The following VWA2 variants were observed in gnomAD, a reference collection of about 807,000 sequenced individuals.
VWA2 encodes the protein von Willebrand factor A domain-containing protein 2.
A neutral mutation model predicts 70.4 loss-of-function variants in VWA2; 73 were observed. The ratio of observed to expected loss-of-function variants is 1.04; its 90% confidence interval spans 0.86 to 1.26. VWA2 has a LOEUF of 1.26. VWA2 is among the 50% of genes most tolerant of loss of function. VWA2 has a pLI of 0.00. For synonymous variants in VWA2, 407 were observed against 423.3 expected, an observed-to-expected ratio of 0.96 and a Z score of 0.47; for missense variants, 1,011 against 998.5, an observed-to-expected ratio of 1.01 and a Z score of -0.17.
intron 1 of VWA2, chr10:114,246,074 C>A: frequency 2.2e-6 from 1 of 451,886 alleles, no homozygotes; most frequent in Non-Finnish European, 4.4e-6. Context: ...CCCCCGCCCC[C>A]CGCCCAAGAT....
chr10:114,279,825 C>T (rs542285884), intron 8 of VWA2, among the ~76,000 whole-genome samples: 75 of 152,306 alleles, frequency 4.9e-4, no homozygotes, highest in African/African-American at 1.7e-3. Flanking sequence ...AGGAGACCAG[C>T]GGCCACCCTG....
chr10:114,262,185 C>G (rs1041052912), intron 5 of VWA2, among the ~76,000 whole-genome samples: 1 of 151,950 alleles, frequency 6.6e-6, no homozygotes, highest in Non-Finnish European at 1.5e-5. Context: ...ATATCGCCCT[C>G]TAAATATATA....
chr10:114,246,102 A>T, intron 1 of VWA2: 1 of 544,354 alleles, frequency 1.8e-6, no homozygotes, highest in Non-Finnish European at 3.5e-6. Context: ...GGTCAGATGC[A>T]TGGTGAGAAG....
At chr10:114,272,966 C>T in intron 6 of VWA2, 32 bp downstream of exon 6, 1 of 1,576,564 alleles carries the variant, frequency 6.3e-7, no homozygotes. Flanking sequence ...GATCAGCCCT[C>T]AGGTGGTCAG....
chr10:114,253,444 T>C (rs1297275900), intron 2 of VWA2, among the ~76,000 whole-genome samples: 1 of 146,140 alleles, frequency 6.8e-6, no homozygotes, highest in Non-Finnish European at 1.5e-5. Flanking sequence ...TACCCACATT[T>C]AAATACAAAG....
intron 1 of VWA2, among the ~76,000 whole-genome samples, chr10:114,240,834 AG>A (rs1420606188): frequency 2.0e-5 from 3 of 152,184 alleles, no homozygotes; most frequent in Non-Finnish European, 4.4e-5. Context: ...ATCTCCTAGT[AG>A]TGTAAGAATT....
In VWA2 at chr10:114,278,865, G is replaced by A. The variant is rs769280907; in HGVS notation, c.833+14G>A. Reference sequence around the variant, plus strand: ...TCCCTTCTACAGGTTTGTCTGCGCGGTCTGGGCTCGGCCTGGGTGGAGATG... The same window carrying A: ...TCCCTTCTACAGGTTTGTCTGCGCGATCTGGGCTCGGCCTGGGTGGAGATG... On this transcript the variant is annotated intron_variant, in intron 8 of 13. Transcript: ENST00000392982. 1.9e-6 allele frequency: 3 copies of A among 1,612,060 alleles called. No individual in the cohort carries two copies. In the South Asian group the frequency reaches 3.3e-5, roughly 18 times the overall value.
At chr10:114,240,129 G>C (rs186614239) in intron 1 of VWA2, among the ~76,000 whole-genome samples, 33 of 152,330 alleles carry the variant, frequency 2.2e-4, no homozygotes, top group African/African-American at 7.9e-4. Flanking sequence ...CAGAACCTGA[G>C]AGGGGCCGGC....
Position 114,286,202 on chromosome 10 carries a change from C to G in VWA2, c.1261C>G (p.Leu421Val). Residue 421 changes from leucine (L) to valine (V), a missense_variant, in exon 11 of 14, where the codon CTG becomes GTG. Physicochemically the swap from Leu to Val is conservative, Grantham distance 32. Transcript: ENST00000392982. ...DGIPFRGGPT[L>V]TGSALRQAAE... ...CATTCCCTTCCGTGGTGGCCCCACC[C>G]TGACGGGCAGTGCCTTGCGGCAGGC... 6.2e-7 allele frequency: 1 copy of G among 1,614,012 alleles called. No homozygotes were observed. The highest frequency in any genetic ancestry group is 1.3e-5 in the African/African-American group (1 of 75,070).
Position 114,278,863 on chromosome 10 carries a change from C to G in VWA2, c.833+12C>G, listed in dbSNP as rs374045265. On this transcript the variant is annotated intron_variant, in intron 8 of 13. Transcript: ENST00000392982. ...TGTCCCTTCTACAGGTTTGTCTGCG[C>G]GGTCTGGGCTCGGCCTGGGTGGAGA... The G allele has an allele frequency of 1.2e-6, 2 of 1,612,280 alleles. No homozygotes were observed. Among genetic ancestry groups the G allele is most frequent in the Non-Finnish European group, 1.7e-6 (2 of 1,179,930 alleles).
At chr10:114,250,847 G>A (rs2037181406) in intron 2 of VWA2, among the ~76,000 whole-genome samples, 2 of 152,248 alleles carry the variant, frequency 1.3e-5, no homozygotes, top group Admixed American at 6.5e-5. Flanking sequence ...GTTCCAGCTT[G>A]TCATGGACCT....
chr10:114,288,894 G>T (rs2039238269), intron 11 of VWA2, 44 bp from the exon 12 acceptor site: 1 of 1,563,216 alleles, frequency 6.4e-7, no homozygotes, highest in South Asian at 1.2e-5. Context: ...GAGGGGCTCT[G>T]ACTGGCACAT....
chr10:114,246,416 G>A (rs575405939), intron 1 of VWA2: 161 of 595,702 alleles, frequency 2.7e-4, no homozygotes, highest in Non-Finnish European at 4.1e-4. Context: ...CAGGAGAATC[G>A]CTTGAACCCG....
rs761856475 is a variant in VWA2 at position 114,286,337 on chromosome 10, C to A, written c.1396C>A (p.Arg466Ser). ...CGAGGATGAGGTTGCGGGCCCAGCG[C>A]GTCACGCAAGGGCGCGAGAGCTGCT... The part of the protein sequence containing the change: ...HSEDEVAGPA[R>S]HARARELLLL... The change falls in exon 11 of 14, where the codon CGT becomes AGT. Residue 466 changes from arginine (R) to serine (S), a missense_variant. Transcript: ENST00000392982. 1 of 1,613,060 alleles carries A rather than the reference C, an allele frequency of 6.2e-7. No homozygotes were observed. Among genetic ancestry groups the A allele is most frequent in the Admixed American group, 1.7e-5 (1 of 59,962 alleles).
intron 2 of VWA2, among the ~76,000 whole-genome samples, chr10:114,249,737 C>T (rs1282169987): frequency 6.6e-6 from 1 of 152,180 alleles, no homozygotes; most frequent in Non-Finnish European, 1.5e-5. Context: ...TCCAGTCTAT[C>T]ATTGATCAGC....
chr10:114,290,210 G>A lies in VWA2; in HGVS notation c.2123-30G>A, dbSNP rs1355014127. The A allele has an allele frequency of 1.9e-6, 3 of 1,549,268 alleles. No homozygotes were observed. In the African/African-American group the frequency reaches 4.1e-5, roughly 21 times the overall value. On this transcript the variant is annotated intron_variant, in intron 12 of 13. Coordinates refer to ENST00000392982, the MANE Select transcript of VWA2 (RefSeq NM_001272046.2). ...TTCGGGTCTAACCCATGCCTGGCCG[G>A]CCTGGTGGGTATGGTGTTCTCCATT...
At position 114,290,337 on chromosome 10, in the gene VWA2, T is replaced by C; in HGVS notation, c.2220T>C (p.Asp740=). 1.3e-6 allele frequency: 2 copies of C among 1,550,616 alleles called. No homozygotes were observed. The highest frequency in any genetic ancestry group is 1.7e-6 in the Non-Finnish European group (2 of 1,146,982). The part of the protein sequence containing the change: ...QNGSYRCKCR[D]GWEGPHCENR... Reference sequence around the variant, plus strand: ...GGAGCTACCGCTGCAAGTGTCGGGATGGCTGGGAGGGCCCCCACTGCGAGA... The same window carrying C: ...GGAGCTACCGCTGCAAGTGTCGGGACGGCTGGGAGGGCCCCCACTGCGAGA... Residue 740 remains aspartate, a synonymous_variant, in exon 13 of 14, where the codon GAT becomes GAC. Coordinates refer to ENST00000392982, the MANE Select transcript of VWA2 (RefSeq NM_001272046.2).
chr10:114,264,449 G>T (rs1304500274), intron 5 of VWA2, among the ~76,000 whole-genome samples: 2 of 150,850 alleles, frequency 1.3e-5, no homozygotes, highest in Admixed American at 1.3e-4. Context: ...ATGGAGTCTT[G>T]CTCTGTTGCC....
In VWA2 at chr10:114,289,480, C is replaced by G; in HGVS notation, c.2113C>G (p.Leu705Val). The G allele has an allele frequency of 6.2e-7, 1 of 1,614,202 alleles. No individual in the cohort carries two copies. Among genetic ancestry groups the G allele is most frequent in the Middle Eastern group, 1.6e-4 (1 of 6,062 alleles). The part of the protein sequence containing the change: ...RYHQDVLIEW[L>V]CGEAKQPVNL... ...CCACCAGGACGTGCTCATTGAGTGG[C>G]TGTGTGGAGGTGAGTGGGGGAATCC... Residue 705 changes from leucine to valine, a missense_variant, in exon 12 of 14, where the codon CTG (leucine) becomes GTG (valine). Coordinates refer to ENST00000392982, the MANE Select transcript of VWA2 (RefSeq NM_001272046.2).
Sources: allele counts gnomAD v4.1 joint callset (sites outside exome capture counted in the v4.1 genomes callset), GRCh38; gene constraint gnomAD v4.1.1; transcripts MANE v1.5; gene names NCBI Gene and HGNC (gene_info 2026-07-23, HGNC 2026-07-21).